The following GREB1 variants were observed in gnomAD, a reference collection of about 807,000 sequenced individuals.
The protein encoded by GREB1 is growth regulating estrogen receptor binding 1.
In GREB1, 106 loss-of-function variants were observed where a neutral mutation model predicts 200.7. The ratio of observed to expected loss-of-function variants is 0.53; its 90% confidence interval spans 0.45 to 0.62. The LOEUF (loss-of-function observed/expected upper bound fraction) is 0.62. Among genes scored for constraint, GREB1 ranks in the 20% least tolerant of loss-of-function variants. The pLI is 0.00. For missense variants in GREB1, 2,243 were observed against 2,556.8 expected, an observed-to-expected ratio of 0.88 and a Z score of 2.65; for synonymous variants, 1,132 against 1,092.4, an observed-to-expected ratio of 1.04 and a Z score of -0.72.
chr2:11,572,389 G>A (rs920592854), intron 4 of GREB1, among the ~76,000 whole-genome samples: 12 of 152,194 alleles, frequency 7.9e-5, no homozygotes, highest in Non-Finnish European at 1.5e-4. Flanking sequence ...AGAGGGAGTG[G>A]CCCCAGCAGT....
chr2:11,504,746 C>G (rs13416132), intron 1 of GREB1, among the ~76,000 whole-genome samples: 2,363 of 152,230 alleles, frequency 0.016, 64 homozygotes, highest in African/African-American at 0.054. Context: ...TTTTGTTTAT[C>G]CAAACATTGC....
Position 11,585,847 on chromosome 2 carries a change from A to T in GREB1, c.1101A>T (p.Pro367=). ...TTCCAGTGGTGGCCTCTGGAGAACC[A>T]GTGTCTGTTCCTGACAACTTGCTGA... is the stretch of plus-strand genomic sequence containing the variant. ...VTFPVVASGE[P]VSVPDNLLKI... Residue 367 remains proline (P), a synonymous_variant, in exon 9 of 33, where the codon CCA becomes CCT. Transcript: ENST00000381486. 6.2e-7 allele frequency: 1 copy of T among 1,613,962 alleles called. No individual in the cohort carries two copies. The highest frequency in any genetic ancestry group is 1.1e-5 in the South Asian group (1 of 91,070).
chr2:11,592,177 T>A, intron 10 of GREB1: 1 of 690,354 alleles, frequency 1.4e-6, no homozygotes, highest in Non-Finnish European at 1.8e-6. Flanking sequence ...GGCTTCCTAC[T>A]TTTTTTTTTC....
intron 4 of GREB1, among the ~76,000 whole-genome samples, chr2:11,568,613 G>A (rs924161889): frequency 7.9e-5 from 12 of 152,262 alleles, no homozygotes; most frequent in Admixed American, 5.9e-4. Context: ...CCACCTTAGC[G>A]TTTGATCTGG....
chr2:11,588,984 C>T (rs1680458780), intron 10 of GREB1, 53 bp downstream of exon 10: 3 of 1,464,520 alleles, frequency 2.0e-6, no homozygotes, highest in South Asian at 1.1e-5. Flanking sequence ...ACAGCCCGAG[C>T]ACAGACCTGG....
At chr2:11,634,438 T>C in intron 29 of GREB1, 89 bp downstream of exon 29, 1 of 989,322 alleles carries the variant, frequency 1.0e-6, no homozygotes, top group Non-Finnish European at 1.5e-6. Flanking sequence ...AGAGGCGTCC[T>C]GGCTGTGAGC....
intron 13 of GREB1, among the ~76,000 whole-genome samples, 190 bp downstream of exon 13, chr2:11,596,429 A>G (rs1461940602): frequency 3.5e-5 from 3 of 86,668 alleles, no homozygotes; most frequent in East Asian, 8.6e-4. Flanking sequence ...GGTGGCAGGG[A>G]CGCAGGTGTG....
At chr2:11,491,248 T>C (rs1672769141) in intron 1 of GREB1, among the ~76,000 whole-genome samples, 1 of 152,244 alleles carries the variant, frequency 6.6e-6, no homozygotes. Context: ...CTTGGCATGG[T>C]ATAAATTTCT....
intron 1 of GREB1, among the ~76,000 whole-genome samples, chr2:11,484,560 G>C (rs560340508): frequency 3.3e-4 from 48 of 144,682 alleles, no homozygotes; most frequent in Non-Finnish European, 6.6e-4. Flanking sequence ...ACCAGCCTGG[G>C]CAACATAGCG....
chr2:11,627,180 A>C, intron 25 of GREB1, 76 bp downstream of exon 25: 1 of 1,341,852 alleles, frequency 7.5e-7, no homozygotes, highest in African/African-American at 1.5e-5. Context: ...TCACGCTTTC[A>C]TTCCAGAGTG....
chr2:11,597,441 A>T lies in GREB1; in HGVS notation c.1955-340A>T, dbSNP rs1681373779. On this transcript the variant is annotated intron_variant, in intron 13 of 32. Transcript: ENST00000381486. This position sits in a 1 kb window ranked among gnomAD's most constrained non-coding sequence, Gnocchi z 4.1. ...TAGTTTTCTTTTCTGGAGAGTTTGC[A>T]GTCCTCTTCCAGAGTCCAGTCTCAG... Among the ~76,000 whole-genome samples the T allele has an allele frequency of 6.6e-6, 1 of 152,026 alleles. No individual in the cohort carries two copies. Among genetic ancestry groups the T allele is most frequent in the South Asian group, 2.1e-4 (1 of 4,820 alleles).
Position 11,559,352 on chromosome 2 carries a change from C to A in GREB1, c.157+2581C>A, listed in dbSNP as rs542132732. 1.7e-3 allele frequency among the ~76,000 whole-genome samples: 260 copies of A among 152,366 alleles called. 1 individual carries two copies. The highest frequency in any genetic ancestry group is 6.2e-3 in the African/African-American group (257 of 41,582). On this transcript the variant is annotated intron_variant, in intron 2 of 32. Transcript: ENST00000381486. Reference sequence around the variant, plus strand: ...TTGTTGCTGGCGGATCTTCCCATCACAGCCCCTGGAATATCTGATGTAGAC... The same window carrying A: ...TTGTTGCTGGCGGATCTTCCCATCAAAGCCCCTGGAATATCTGATGTAGAC...
At chr2:11,501,895 GTTTTTTTTTGTTTTT>G (rs1381059395) in intron 1 of GREB1, among the ~76,000 whole-genome samples, 17 of 45,560 alleles carry the variant, frequency 3.7e-4, no homozygotes, top group East Asian at 1.3e-3. Flanking sequence ...TGGATTTCCT[GTTTTTTTTTGTTTTT>G]TTTTTTTTTT....
chr2:11,537,799 A>G (rs1337401252), intron 1 of GREB1, among the ~76,000 whole-genome samples: 2 of 149,320 alleles, frequency 1.3e-5, no homozygotes, highest in Admixed American at 1.3e-4. Context: ...AAATACATAC[A>G]TGTATTTTAA....
intron 17 of GREB1, among the ~76,000 whole-genome samples, chr2:11,607,731 T>C (rs1207276038): frequency 6.6e-6 from 1 of 151,882 alleles, no homozygotes; most frequent in Non-Finnish European, 1.5e-5. Flanking sequence ...TACATACACA[T>C]TGATGATACA....
chr2:11,602,650 G>A (rs1424335658), intron 17 of GREB1, 108 bp downstream of exon 17: 5 of 888,914 alleles, frequency 5.6e-6, no homozygotes, highest in Non-Finnish European at 9.1e-6. Flanking sequence ...TTTCCTTCCT[G>A]AGCAACTCAG....
At chr2:11,562,439 C>T (rs1351725749) in intron 2 of GREB1, 24 bp from the exon 3 acceptor site, 1 of 1,610,944 alleles carries the variant, frequency 6.2e-7, no homozygotes. Context: ...CTGCCTTGCT[C>T]ATCACTCTTC....
chr2:11,585,556 G>A (rs1572818941), intron 8 of GREB1, among the ~76,000 whole-genome samples: 1 of 152,216 alleles, frequency 6.6e-6, no homozygotes, highest in East Asian at 1.9e-4. Flanking sequence ...ATATCGAAGA[G>A]GAGACTGAAC....
chr2:11,488,412 G>C (rs539180791), intron 1 of GREB1, among the ~76,000 whole-genome samples: 1 of 152,310 alleles, frequency 6.6e-6, no homozygotes, highest in Non-Finnish European at 1.5e-5. Context: ...TCTTCCCTCT[G>C]TGCAGAATGA....
Sources: gnomAD v4.1 joint callset for allele counts (sites outside exome capture counted in the v4.1 genomes callset) on GRCh38, gnomAD v4.1.1 for gene constraint, Gnocchi (gnomAD v3.1) non-coding constraint, MANE v1.5 for transcripts, NCBI Gene and HGNC (gene_info 2026-07-23, HGNC 2026-07-21) for gene names.